The following LRP1B variants were observed in gnomAD, a reference collection of about 807,000 sequenced individuals.
LRP1B encodes the protein LDL receptor related protein 1B.
In LRP1B, 217 loss-of-function variants were observed where a neutral mutation model predicts 556.6. The observed-to-expected ratio is 0.39, with a 90% CI of 0.35 to 0.44. LRP1B has a LOEUF of 0.44. LRP1B is among the 20% of genes least tolerant of loss of function. The pLI, the probability that LRP1B is intolerant of heterozygous loss-of-function variation, is 1.00. For missense variants in LRP1B, 5,053 were observed against 5,620.8 expected (o/e 0.90, Z 3.23); for synonymous variants, 2,047 against 1,865.8 (o/e 1.10, Z -2.50).
intron 2 of LRP1B, among the ~76,000 whole-genome samples, chr2:141,753,787 T>A (rs538998878): frequency 2.6e-5 from 4 of 152,330 alleles, no homozygotes; most frequent in African/African-American, 9.6e-5. Context: ...TTACACTATA[T>A]AAAATCACCC....
intron 83 of LRP1B, among the ~76,000 whole-genome samples, chr2:140,303,020 T>TATATATATAC (rs1177122885): frequency 1.9e-4 from 19 of 97,874 alleles, no homozygotes; most frequent in African/African-American, 1.0e-3. Flanking sequence ...TTCATATATA[T>TATATATATAC]ATATATATAT....
Position 140,404,168 on chromosome 2 carries a change from CTTTTTTT to C in LRP1B, c.10415-18166_10415-18160del, listed in dbSNP as rs68017900. Among the ~76,000 whole-genome samples the C allele has an allele frequency of 9.7e-5, 9 of 92,430 alleles. No homozygotes were observed. The East Asian group carries it at 1.2e-3, about 12-fold the overall frequency. The allele number at this position is 92,430 out of a possible 152,430, so 60.6% of individuals were successfully genotyped here. A position where few individuals can be genotyped will look rare whatever the true frequency, so the allele number is the denominator to read the frequency against. The stretch of plus-strand genomic sequence containing the variant: ...CTGGATCTGTACCAAAATAGAACTT[CTTTTTTT>C]TTTTTTTTTTTTTTTTTGAGACAGA... On this transcript the variant is annotated intron_variant, in intron 66 of 90. Coordinates refer to ENST00000389484, the MANE Select transcript of LRP1B (RefSeq NM_018557.3).
chr2:140,856,835 A>T lies in LRP1B; in HGVS notation c.4580-5052T>A, dbSNP rs941196310. On this transcript the variant is annotated intron_variant, in intron 27 of 90. Coordinates refer to ENST00000389484, the MANE Select transcript of LRP1B (RefSeq NM_018557.3). Reference sequence around the variant, plus strand: ...CTATTATTGTGTTAGAGGTAGGGACATTTGGATTCATATGCATGTACGTAA... The same window carrying T: ...CTATTATTGTGTTAGAGGTAGGGACTTTTGGATTCATATGCATGTACGTAA... 3.9e-5 allele frequency among the ~76,000 whole-genome samples: 6 copies of T among 152,200 alleles called. No homozygotes were observed. The East Asian group carries it at 1.2e-3, about 29-fold the overall frequency.
At chr2:140,858,333 T>C (rs149447227) in intron 27 of LRP1B, among the ~76,000 whole-genome samples, 115 of 152,028 alleles carry the variant, frequency 7.6e-4, no homozygotes, top group African/African-American at 2.6e-3. Context: ...CTCATACCGA[T>C]AGTATATAAA....
At chr2:140,375,601 A>G (rs551374502) in intron 68 of LRP1B, among the ~76,000 whole-genome samples, 7 of 152,234 alleles carry the variant, frequency 4.6e-5, no homozygotes, top group African/African-American at 1.7e-4. Flanking sequence ...CTACATTTAT[A>G]TCTCCTTTCT....
At chr2:140,855,204 A>C (rs1376294672) in intron 27 of LRP1B, among the ~76,000 whole-genome samples, 1 of 151,698 alleles carries the variant, frequency 6.6e-6, no homozygotes, top group East Asian at 1.9e-4. Context: ...CTAACCTGGT[A>C]CTCAACTCTC....
intron 3 of LRP1B, among the ~76,000 whole-genome samples, chr2:141,363,245 A>C (rs1225502470): frequency 6.6e-6 from 1 of 152,230 alleles, no homozygotes; most frequent in Non-Finnish European, 1.5e-5. Context: ...CAAGTATTTA[A>C]ATGAATAGAT....
At chr2:141,609,630 T>A (rs1229230439) in intron 2 of LRP1B, among the ~76,000 whole-genome samples, 2 of 152,216 alleles carry the variant, frequency 1.3e-5, no homozygotes, top group Non-Finnish European at 2.9e-5. Flanking sequence ...TTCATAAAAA[T>A]TTAACAATTG....
At chr2:142,121,031 C>G (rs781304975) in intron 1 of LRP1B, among the ~76,000 whole-genome samples, 1 of 152,120 alleles carries the variant, frequency 6.6e-6, no homozygotes, top group Non-Finnish European at 1.5e-5. Context: ...AGAATATTAA[C>G]CCTTTCCCCC....
chr2:141,222,948 C>T (rs1343751308), intron 6 of LRP1B, among the ~76,000 whole-genome samples: 1 of 152,084 alleles, frequency 6.6e-6, no homozygotes, highest in Non-Finnish European at 1.5e-5. Flanking sequence ...TGTGCAAAAG[C>T]TGGAAGCATT....
chr2:141,245,072 A>G (rs1036606506), intron 5 of LRP1B, among the ~76,000 whole-genome samples: 2 of 152,166 alleles, frequency 1.3e-5, no homozygotes, highest in African/African-American at 4.8e-5. Flanking sequence ...AGGGTCTATT[A>G]GATTACACTC....
intron 1 of LRP1B, among the ~76,000 whole-genome samples, chr2:142,063,312 T>G (rs1324611840): frequency 6.6e-6 from 1 of 151,590 alleles, no homozygotes; most frequent in African/African-American, 2.4e-5. Flanking sequence ...GGAAGTGGTA[T>G]GAAAGCCAAT....
intron 7 of LRP1B, among the ~76,000 whole-genome samples, chr2:141,123,259 T>G (rs62173721): frequency 6.8e-6 from 1 of 145,994 alleles, no homozygotes; most frequent in African/African-American, 2.5e-5. Flanking sequence ...AATAAATAAA[T>G]AAATAAAAAA....
intron 63 of LRP1B, among the ~76,000 whole-genome samples, chr2:140,445,945 AT>A (rs1686640320): frequency 6.6e-6 from 1 of 152,158 alleles, no homozygotes; most frequent in African/African-American, 2.4e-5. Context: ...AATAAATAGC[AT>A]TTTAAACTTT....
At chr2:140,290,427 A>T (rs1323620371) in intron 84 of LRP1B, among the ~76,000 whole-genome samples, 1 of 152,088 alleles carries the variant, frequency 6.6e-6, no homozygotes, top group Admixed American at 6.6e-5. Flanking sequence ...TTACTTTCTC[A>T]TTAAGAGGAA....
chr2:140,605,389 ATG>A (rs1682830488), intron 41 of LRP1B, among the ~76,000 whole-genome samples: 1 of 152,148 alleles, frequency 6.6e-6, no homozygotes, highest in Non-Finnish European at 1.5e-5. Flanking sequence ...TCCAGATCTG[ATG>A]TTGAACTCTT....
At chr2:141,561,327 A>G (rs1686140269) in intron 2 of LRP1B, among the ~76,000 whole-genome samples, 1 of 151,708 alleles carries the variant, frequency 6.6e-6, no homozygotes, top group African/African-American at 2.4e-5. Flanking sequence ...AATCCTAAAC[A>G]TTTTCTCCAA....
At chr2:140,802,188 C>T (rs186373887) in intron 32 of LRP1B, among the ~76,000 whole-genome samples, 232 of 152,230 alleles carry the variant, frequency 1.5e-3, no homozygotes, top group African/African-American at 4.3e-3. Flanking sequence ...TTTCCATTCT[C>T]TTGGGGGAAT....
chr2:141,155,388 T>C (rs900173943), intron 7 of LRP1B, among the ~76,000 whole-genome samples: 9 of 151,886 alleles, frequency 5.9e-5, no homozygotes, highest in African/African-American at 1.9e-4. Context: ...ATAGCTTTAT[T>C]GGTAAGTACA....
Sources: gnomAD v4.1 joint callset for allele counts (sites outside exome capture counted in the v4.1 genomes callset) on GRCh38, gnomAD v4.1.1 for gene constraint, MANE v1.5 for transcripts, NCBI Gene and HGNC (gene_info 2026-07-23, HGNC 2026-07-21) for gene names.